PKP1: variants seen among roughly 807,000 people sequenced by gnomAD.
PKP1 encodes plakophilin 1.
A neutral mutation model predicts 76.4 loss-of-function variants in PKP1; 27 were observed. The observed-to-expected ratio is 0.35, with a 90% CI of 0.26 to 0.49. PKP1 has a LOEUF of 0.49. Ranked by LOEUF, PKP1 falls within the 20% of genes least tolerant of loss-of-function variation. The probability of loss-of-function intolerance (pLI) is 0.99; values close to 1 mark genes in which losing one functional copy is unlikely to be tolerated. For missense variants in PKP1, 964 were observed against 955.2 expected, an observed-to-expected ratio of 1.01 and a Z score of -0.12; for synonymous variants, 404 against 384.2, an observed-to-expected ratio of 1.05 and a Z score of -0.60.
intron 2 of PKP1, among the ~76,000 whole-genome samples, chr1:201,294,680 A>G (rs1656023434): frequency 6.6e-6 from 1 of 152,252 alleles, no homozygotes; most frequent in South Asian, 2.1e-4. Flanking sequence ...GTACATGAAA[A>G]AAGATTACAA....
At chr1:201,323,310 G>A in intron 9 of PKP1, 121 bp downstream of exon 9, 1 of 915,962 alleles carries the variant, frequency 1.1e-6, no homozygotes. Flanking sequence ...TGAGCAGAGT[G>A]TGCCTGGCAT....
chr1:201,285,169 A>AG (rs984311927), intron 1 of PKP1, among the ~76,000 whole-genome samples: 1 of 150,766 alleles, frequency 6.6e-6, no homozygotes, highest in African/African-American at 2.4e-5. Context: ...AGTGAGGGGC[A>AG]GGGGGTAATA....
intron 1 of PKP1, among the ~76,000 whole-genome samples, chr1:201,290,197 C>T (rs1655872612): frequency 2.0e-5 from 3 of 152,112 alleles, no homozygotes; most frequent in South Asian, 2.1e-4. Context: ...CCCTAAAACG[C>T]GGATGTAAAA....
Position 201,322,084 on chromosome 1 carries a change from C to A in PKP1, c.1454C>A (p.Thr485Asn), listed in dbSNP as rs770728579. The change falls in exon 8 of 14, where the codon ACC becomes AAC. Residue 485 changes from threonine to asparagine, a missense_variant. Thr to Asn is a moderately conservative substitution (Grantham distance 65). Transcript: ENST00000367324. Reference sequence around the variant, plus strand: ...GAGTATAACGCCCGCAACGCCTACACCGAGAAGTCCTCCACTGGCTGCTTC... The same window carrying A: ...GAGTATAACGCCCGCAACGCCTACAACGAGAAGTCCTCCACTGGCTGCTTC... Reference protein sequence around the residue: ...QLEYNARNAYTEKSSTGCFSN... With the variant: ...QLEYNARNAYNEKSSTGCFSN... 6.2e-7 allele frequency: 1 copy of A among 1,613,322 alleles called. No homozygotes were observed. The highest frequency in any genetic ancestry group is 8.5e-7 in the Non-Finnish European group (1 of 1,180,028).
intron 6 of PKP1, 169 bp from the exon 7 acceptor site, chr1:201,320,098 C>T (rs1656890007): frequency 1.4e-6 from 1 of 696,364 alleles, no homozygotes; most frequent in Non-Finnish European, 2.6e-6. Context: ...TCTTCTCCTT[C>T]CTTCCTTCTA....
At chr1:201,310,294 T>C (rs1656508465) in intron 2 of PKP1, among the ~76,000 whole-genome samples, 2 of 152,248 alleles carry the variant, frequency 1.3e-5, no homozygotes, top group African/African-American at 4.8e-5. Context: ...CAATCCTCTA[T>C]GTTGGCTACA....
intron 2 of PKP1, among the ~76,000 whole-genome samples, chr1:201,294,500 G>C (rs1168849035): frequency 2.0e-5 from 3 of 152,204 alleles, no homozygotes; most frequent in African/African-American, 7.2e-5. Context: ...GCATGCTAGA[G>C]TGGAGCCTCC....
In PKP1 at chr1:201,322,036, T is replaced by C. The variant is rs772008553; in HGVS notation, c.1406T>C (p.Val469Ala). The C allele has an allele frequency of 2.5e-6, 4 of 1,613,704 alleles. No homozygotes were observed. The highest frequency in any genetic ancestry group is 2.5e-6 in the Non-Finnish European group (3 of 1,179,926). Residue 469 changes from valine to alanine, a missense_variant, in exon 8 of 14, where the codon GTG (valine) becomes GCG (alanine). By Grantham distance (64) the Val-to-Ala change is moderately conservative. Transcript: ENST00000367324. ...CTCTCCTACCGCCTGGACGCCGAGG[T>C]GCCCACCCGCTACCGCCAGCTGGAG... Reference protein sequence around the residue: ...HNLSYRLDAEVPTRYRQLEYN... With the variant: ...HNLSYRLDAEAPTRYRQLEYN...
intron 2 of PKP1, among the ~76,000 whole-genome samples, chr1:201,305,016 A>G (rs1656333988): frequency 6.6e-6 from 1 of 152,214 alleles, no homozygotes; most frequent in African/African-American, 2.4e-5. Flanking sequence ...GGTGTTCAGG[A>G]TATGCTCAAG....
chr1:201,324,125 G>A (rs1039247302), intron 9 of PKP1, among the ~76,000 whole-genome samples: 7 of 152,182 alleles, frequency 4.6e-5, no homozygotes, highest in South Asian at 2.1e-4. Context: ...GGGTGAGAGA[G>A]CAGCATTGGA....
At chr1:201,298,239 G>A (rs76855380) in intron 2 of PKP1, among the ~76,000 whole-genome samples, 2,518 of 152,290 alleles carry the variant, frequency 0.017, 64 homozygotes, top group African/African-American at 0.058. Context: ...CAGCAAAGAC[G>A]AGGATGCGGG....
Position 201,323,150 on chromosome 1 carries a change from T to A in PKP1, c.1641T>A (p.Cys547Ter). 1 of 1,614,124 alleles carries A rather than the reference T, an allele frequency of 6.2e-7. No individual in the cohort carries two copies. The highest frequency in any genetic ancestry group is 1.1e-5 in the South Asian group (1 of 91,090). Residue 547 changes from cysteine (C) to a stop codon, truncating the protein, a stop_gained, in exon 9 of 14, where the codon TGT (cysteine) becomes TGA (stop). Coordinates refer to ENST00000367324, the MANE Select transcript of PKP1 (RefSeq NM_001005337.3). LOFTEE classifies it high-confidence loss of function. ...KSKKDATLEA[C>*]AGALQNLTAS... ...AGAAAGATGCTACCCTGGAGGCCTG[T>A]GCTGGTGCCCTGCAGAACCTGACAG...
In PKP1 at chr1:201,322,146, T is replaced by G. The variant is rs753920869; in HGVS notation, c.1503+13T>G. 1.6e-5 allele frequency: 26 copies of G among 1,608,426 alleles called. No homozygotes were observed. Among genetic ancestry groups the G allele is most frequent in the Non-Finnish European group, 2.2e-5 (26 of 1,179,886 alleles). On this transcript the variant is annotated intron_variant, in intron 8 of 13. Transcript: ENST00000367324. ...CGACAAGATGATGGTGAGCACAGCA[T>G]CAGCAGGGCGGGGCCTGCCCCATCA...
intron 12 of PKP1, among the ~76,000 whole-genome samples, chr1:201,326,306 AG>A (rs1472087632): frequency 6.6e-6 from 1 of 152,216 alleles, no homozygotes; most frequent in Non-Finnish European, 1.5e-5. Flanking sequence ...GCAGCACCAA[AG>A]CTCACCCTGT....
chr1:201,329,070 T>C (rs1287858702), intron 13 of PKP1, among the ~76,000 whole-genome samples: 1 of 152,162 alleles, frequency 6.6e-6, no homozygotes, highest in East Asian at 1.9e-4. Context: ...GTGTATAATG[T>C]CCTGGGAGTT....
At chr1:201,310,730 C>T (rs999806140) in intron 2 of PKP1, among the ~76,000 whole-genome samples, 3 of 152,232 alleles carry the variant, frequency 2.0e-5, no homozygotes, top group African/African-American at 7.2e-5. Flanking sequence ...GCACAGCCCA[C>T]CAGCACCATG....
intron 10 of PKP1, 41 bp downstream of exon 10, chr1:201,324,622 G>T: frequency 6.2e-7 from 1 of 1,608,358 alleles, no homozygotes; most frequent in East Asian, 2.2e-5. Context: ...CTAAGACATG[G>T]CAGGCTCCCT....
chr1:201,310,603 C>A (rs1656518681), intron 2 of PKP1, among the ~76,000 whole-genome samples: 1 of 152,232 alleles, frequency 6.6e-6, no homozygotes, highest in Admixed American at 6.5e-5. Context: ...GGAATCCAGG[C>A]CCCCTCATGG....
intron 3 of PKP1, 93 bp downstream of exon 3, chr1:201,313,653 G>T (rs1656637412): frequency 2.3e-6 from 3 of 1,290,182 alleles, no homozygotes; most frequent in South Asian, 2.9e-5. Flanking sequence ...CTCCTGGGAT[G>T]ACAGGAGAGA....
Sources: allele counts gnomAD v4.1 joint callset (sites outside exome capture counted in the v4.1 genomes callset), GRCh38; gene constraint gnomAD v4.1.1; transcripts MANE v1.5; gene names NCBI Gene and HGNC (gene_info 2026-07-23, HGNC 2026-07-21).